Variants in TMEM132C observed in about 807,000 individuals in gnomAD.
The protein encoded by TMEM132C is protein phosphatase 1, regulatory subunit 152.
A neutral mutation model predicts 61.4 loss-of-function variants in TMEM132C; 29 were observed. The ratio of observed to expected loss-of-function variants is 0.47; its 90% CI spans 0.35 to 0.64. The LOEUF (loss-of-function observed/expected upper bound fraction) is 0.64. TMEM132C is among the 30% of genes least tolerant of loss of function. TMEM132C has a pLI of 0.00. For synonymous variants in TMEM132C, 656 were observed against 633.1 expected, an observed-to-expected ratio of 1.04 and a Z score of -0.54; for missense variants, 1,408 against 1,476.9, an observed-to-expected ratio of 0.95 and a Z score of 0.76.
At chr12:128,301,854 T>G (rs925044758) in intron 1 of TMEM132C, among the ~76,000 whole-genome samples, 6 of 152,178 alleles carry the variant, frequency 3.9e-5, no homozygotes, top group African/African-American at 1.4e-4. Flanking sequence ...TCCATGTGGC[T>G]GGGGAGGCCT....
chr12:128,321,994 T>C (rs1872350335), intron 1 of TMEM132C, among the ~76,000 whole-genome samples: 1 of 152,206 alleles, frequency 6.6e-6, no homozygotes, highest in African/African-American at 2.4e-5. Flanking sequence ...CTCCCCAGAA[T>C]GACCATAGTG....
intron 4 of TMEM132C, 121 bp from the exon 5 acceptor site, chr12:128,669,296 T>C (rs1566009884): frequency 3.5e-6 from 4 of 1,151,978 alleles, no homozygotes; most frequent in Non-Finnish European, 4.8e-6. Flanking sequence ...AATGGTACAG[T>C]GTGTCTTGTA....
intron 1 of TMEM132C, among the ~76,000 whole-genome samples, chr12:128,355,142 C>G (rs1000398141): frequency 1.3e-5 from 2 of 152,150 alleles, no homozygotes; most frequent in Non-Finnish European, 2.9e-5. Flanking sequence ...ACATTTTAAG[C>G]CCGCAGAAGC....
chr12:128,490,057 C>A (rs560474175), intron 2 of TMEM132C, among the ~76,000 whole-genome samples: 8 of 152,192 alleles, frequency 5.3e-5, no homozygotes, highest in South Asian at 2.1e-4. Context: ...AGATATAATC[C>A]CAACTGAATT....
intron 1 of TMEM132C, among the ~76,000 whole-genome samples, chr12:128,296,698 C>T (rs1425821523): frequency 6.6e-6 from 1 of 152,164 alleles, no homozygotes; most frequent in East Asian, 1.9e-4. Context: ...TGTCCTCCGT[C>T]AGGTTCATGA....
intron 3 of TMEM132C, among the ~76,000 whole-genome samples, chr12:128,562,291 C>T (rs1300772654): frequency 1.3e-5 from 2 of 152,184 alleles, no homozygotes; most frequent in African/African-American, 4.8e-5. Context: ...AGTCTCTTAA[C>T]ATAGAGAGAT....
chr12:128,376,442 G>C (rs1327662978), intron 1 of TMEM132C, among the ~76,000 whole-genome samples: 1 of 152,158 alleles, frequency 6.6e-6, no homozygotes, highest in Non-Finnish European at 1.5e-5. Context: ...GACATCTCTT[G>C]TTATAAAGTG....
chr12:128,386,801 A>G (rs1361021661), intron 1 of TMEM132C, among the ~76,000 whole-genome samples: 1 of 152,182 alleles, frequency 6.6e-6, no homozygotes, highest in Non-Finnish European at 1.5e-5. Flanking sequence ...GTAGATGCTC[A>G]GTATTTGTTG....
At chr12:128,593,704 C>A (rs777327987) in intron 3 of TMEM132C, among the ~76,000 whole-genome samples, 6 of 152,174 alleles carry the variant, frequency 3.9e-5, no homozygotes, top group African/African-American at 1.4e-4. Flanking sequence ...GGCATCTGCA[C>A]CCTAATTACG....
chr12:128,516,921 A>G (rs1872736628), intron 2 of TMEM132C, among the ~76,000 whole-genome samples: 1 of 151,824 alleles, frequency 6.6e-6, no homozygotes, highest in Admixed American at 6.6e-5. Flanking sequence ...TTCTAAAACA[A>G]TTTTGTAAAG....
chr12:128,624,359 G>A (rs1449771729), intron 4 of TMEM132C, among the ~76,000 whole-genome samples: 1 of 151,902 alleles, frequency 6.6e-6, no homozygotes, highest in Non-Finnish European at 1.5e-5. Flanking sequence ...CCCTGGCCAA[G>A]ATAGCGAAAC....
intron 1 of TMEM132C, among the ~76,000 whole-genome samples, chr12:128,384,091 A>G (rs1874500748): frequency 6.6e-6 from 1 of 152,206 alleles, no homozygotes; most frequent in African/African-American, 2.4e-5. Flanking sequence ...AAACAAAAAG[A>G]GGTGGTCAGG....
chr12:128,443,683 A>T (rs76581816), intron 2 of TMEM132C, among the ~76,000 whole-genome samples: 5,085 of 152,228 alleles, frequency 0.033, 291 homozygotes, highest in African/African-American at 0.11. Context: ...CCACAGCCTG[A>T]GACCAGCCTC....
At chr12:128,633,945 G>A (rs1449195566) in intron 4 of TMEM132C, among the ~76,000 whole-genome samples, 5 of 152,170 alleles carry the variant, frequency 3.3e-5, no homozygotes, top group Non-Finnish European at 7.3e-5. Flanking sequence ...ATACAAAATT[G>A]CCTATCAATT....
chr12:128,270,565 T>C (rs911643842), intron 1 of TMEM132C, among the ~76,000 whole-genome samples: 9 of 152,202 alleles, frequency 5.9e-5, no homozygotes, highest in African/African-American at 2.2e-4. Context: ...TTACGTTCTA[T>C]AGCAGGGATG....
At position 128,547,399 on chromosome 12, in the gene TMEM132C, C is replaced by CAAA. The variant is rs3044078; in HGVS notation, c.1121+3309_1121+3311dup. On this transcript the variant is annotated intron_variant, in intron 3 of 8. Transcript: ENST00000435159. ...TGAAACCCCATCTCTACTAAAAATACAAAAAAAAAAAAAAATTAGCCGGGC... is the reference window on the plus strand; with the variant it reads ...TGAAACCCCATCTCTACTAAAAATACAAAAAAAAAAAAAAAAAATTAGCCGGGC... Among the ~76,000 whole-genome samples, 5 of 139,602 alleles carry CAAA rather than the reference C, an allele frequency of 3.6e-5. No homozygotes were observed. In the East Asian group the frequency reaches 6.4e-4, roughly 18 times the overall value. The allele number at this position is 139,602 out of a possible 152,430, so 91.6% of individuals were successfully genotyped here.
intron 1 of TMEM132C, among the ~76,000 whole-genome samples, chr12:128,366,592 G>A (rs1422487315): frequency 1.3e-5 from 2 of 152,152 alleles, no homozygotes; most frequent in Non-Finnish European, 1.5e-5. Context: ...TAAGTTTGAG[G>A]CTTGTGAGAT....
intron 2 of TMEM132C, among the ~76,000 whole-genome samples, chr12:128,514,417 GAGTA>G (rs144205015): frequency 6.6e-6 from 1 of 152,238 alleles, no homozygotes; most frequent in Non-Finnish European, 1.5e-5. Context: ...CATAGAGAGT[GAGTA>G]ATTTGCCCAA....
At chr12:128,529,613 A>G (rs974646796) in intron 2 of TMEM132C, among the ~76,000 whole-genome samples, 7 of 152,092 alleles carry the variant, frequency 4.6e-5, no homozygotes, top group Non-Finnish European at 1.0e-4. Flanking sequence ...GTGAAACCCC[A>G]TCTCTACTAA....
Sources: allele counts gnomAD v4.1 joint callset (sites outside exome capture counted in the v4.1 genomes callset), GRCh38; gene constraint gnomAD v4.1.1; transcripts MANE v1.5; gene names NCBI Gene and HGNC (gene_info 2026-07-23, HGNC 2026-07-21).